PLEKHG1: variants seen among roughly 807,000 people sequenced by gnomAD.
PLEKHG1 encodes pleckstrin homology domain-containing family G member 1.
PLEKHG1 carries 44 observed loss-of-function variants against 100.8 expected under a neutral mutation model. The observed-to-expected ratio is 0.44, with a 90% confidence interval of 0.34 to 0.56. The LOEUF is 0.56. Ranked by LOEUF, PLEKHG1 falls within the 20% of genes least tolerant of loss-of-function variation. PLEKHG1 has a pLI of 0.01. For synonymous variants in PLEKHG1, 640 were observed against 662.5 expected, an observed-to-expected ratio of 0.97 and a Z score of 0.52; for missense variants, 1,545 against 1,720.9, an observed-to-expected ratio of 0.90 and a Z score of 1.81.
intron 2 of PLEKHG1, among the ~76,000 whole-genome samples, chr6:150,761,822 T>C (rs1784175230): frequency 6.6e-6 from 1 of 152,234 alleles, no homozygotes; most frequent in African/African-American, 2.4e-5. Flanking sequence ...ACAGAATTCC[T>C]GTTCCAAGTT....
chr6:150,739,696 A>G (rs964927993), intron 2 of PLEKHG1, among the ~76,000 whole-genome samples: 4 of 152,062 alleles, frequency 2.6e-5, no homozygotes, highest in Admixed American at 6.6e-5. Context: ...AAAAAAAACC[A>G]TAAGTATTCT....
intron 2 of PLEKHG1, among the ~76,000 whole-genome samples, chr6:150,763,956 C>T (rs1363846127): frequency 6.6e-6 from 1 of 152,122 alleles, no homozygotes. Flanking sequence ...CATGCTGTCA[C>T]CCTGGACTCC....
At chr6:150,651,149 A>C (rs1008749090) in intron 3 of PLEKHG1, 9 of 152,250 alleles carry the variant, frequency 5.9e-5, no homozygotes, top group Admixed American at 4.6e-4. Flanking sequence ...TCTGTCTCTC[A>C]AAATACTGTA....
rs74985205 is a variant in PLEKHG1, at chr6:150,681,681, G to C, written c.-99+30895G>C. ...CCCATCCCCTGGAGTAGTCAGCTTT[G>C]CACAGCTATCCTTCCCTAAATGCAG... is the stretch of plus-strand genomic sequence containing the variant. On this transcript the variant is annotated intron_variant, in intron 3 of 3. Transcript: ENST00000367326. Among the ~76,000 whole-genome samples, 1,311 of 152,054 alleles carry C rather than the reference G, an allele frequency of 8.6e-3. 23 individuals carry two copies. Among genetic ancestry groups the C allele is most frequent in the African/African-American group, 0.03 (1,244 of 41,462 alleles).
intron 4 of PLEKHG1, among the ~76,000 whole-genome samples, chr6:150,788,263 C>T (rs1357883286): frequency 6.6e-6 from 1 of 152,238 alleles, no homozygotes; most frequent in Non-Finnish European, 1.5e-5. Flanking sequence ...GGCTCAGGCA[C>T]TGCCTGCCTT....
At chr6:150,803,321 T>G (rs528440610) in intron 6 of PLEKHG1, among the ~76,000 whole-genome samples, 105 of 152,318 alleles carry the variant, frequency 6.9e-4, no homozygotes, top group Non-Finnish European at 1.2e-3. Flanking sequence ...TCTAATTGAT[T>G]ACAATGTTTT....
intron 10 of PLEKHG1, among the ~76,000 whole-genome samples, chr6:150,813,370 A>G (rs1209596048): frequency 6.6e-6 from 1 of 151,924 alleles, no homozygotes; most frequent in African/African-American, 2.4e-5. Flanking sequence ...GAAAGACATC[A>G]AAGACCCAAC....
intron 2 of PLEKHG1, among the ~76,000 whole-genome samples, chr6:150,764,408 T>C (rs530178034): frequency 1.3e-5 from 2 of 152,212 alleles, no homozygotes; most frequent in South Asian, 4.1e-4. Flanking sequence ...CATGAGCCAC[T>C]GCACCCGGCC....
chr6:150,751,173 TAAAA>T (rs1478880264), intron 2 of PLEKHG1, among the ~76,000 whole-genome samples: 1 of 152,164 alleles, frequency 6.6e-6, no homozygotes, highest in African/African-American at 2.4e-5. Flanking sequence ...ACTTTACAAA[TAAAA>T]AAGATATTTT....
intron 3 of PLEKHG1, among the ~76,000 whole-genome samples, chr6:150,654,226 T>C (rs1268983363): frequency 6.6e-6 from 1 of 152,220 alleles, no homozygotes; most frequent in Non-Finnish European, 1.5e-5. Flanking sequence ...GTCCTGATCT[T>C]TGCTGTTCTT....
intron 3 of PLEKHG1, among the ~76,000 whole-genome samples, chr6:150,684,740 C>T (rs1051624269): frequency 6.6e-6 from 1 of 151,754 alleles, no homozygotes; most frequent in Non-Finnish European, 1.5e-5. Context: ...TTTCTTTTCT[C>T]AGTGTGTCCC....
chr6:150,747,075 G>A (rs899752198), intron 2 of PLEKHG1, among the ~76,000 whole-genome samples: 1 of 152,244 alleles, frequency 6.6e-6, no homozygotes, highest in African/African-American at 2.4e-5. Flanking sequence ...AAGACCGCCT[G>A]TAGGCAAAAT....
exon 16 of PLEKHG1, chr6:150,840,039 C>G: frequency 1.2e-6 from 2 of 1,614,108 alleles, no homozygotes; most frequent in Non-Finnish European, 1.7e-6. Context: ...CTGTCTCCCA[C>G]CAGAGCAAGA....
At chr6:150,773,777 A>G (rs575226123) in intron 3 of PLEKHG1, among the ~76,000 whole-genome samples, 1 of 152,202 alleles carries the variant, frequency 6.6e-6, no homozygotes, top group Non-Finnish European at 1.5e-5. Context: ...AATTTTATAG[A>G]TTAATTTCAA....
chr6:150,768,354 G>A (rs758940104), intron 2 of PLEKHG1, among the ~76,000 whole-genome samples: 30 of 152,198 alleles, frequency 2.0e-4, no homozygotes, highest in Non-Finnish European at 4.1e-4. Flanking sequence ...CAAAACTGAC[G>A]TTATTGGCAC....
In PLEKHG1 at chr6:150,637,659, A is replaced by G. The variant is rs116119226; in HGVS notation, c.-203-421A>G. Among the ~76,000 whole-genome samples, 1,296 of 152,188 alleles carry G rather than the reference A, an allele frequency of 8.5e-3. 21 individuals are homozygous for G. Among genetic ancestry groups the G allele is most frequent in the African/African-American group, 0.029 (1,225 of 41,536 alleles). On this transcript the variant is annotated intron_variant, in intron 1 of 3. Coordinates refer to the PLEKHG1 transcript ENST00000367326. The stretch of plus-strand genomic sequence containing the variant: ...ATAAGTCTGATGTTAGACTTACGAC[A>G]TAGTTGATTGTGTGTGTGAGTGTGT...
intron 3 of PLEKHG1, among the ~76,000 whole-genome samples, chr6:150,694,866 TTAG>T (rs1200789545): frequency 1.3e-5 from 2 of 152,190 alleles, no homozygotes; most frequent in African/African-American, 2.4e-5. Context: ...GCTGTAGTTC[TTAG>T]TAGCTGGAGT....
chr6:150,664,656 G>A (rs1215573818), intron 3 of PLEKHG1, among the ~76,000 whole-genome samples: 5 of 152,136 alleles, frequency 3.3e-5, no homozygotes, highest in East Asian at 3.9e-4. Flanking sequence ...GTGAAGGGCT[G>A]TGGTGGTGTC....
chr6:150,632,594 G>A (rs866976250), intron 1 of PLEKHG1, among the ~76,000 whole-genome samples: 7 of 152,362 alleles, frequency 4.6e-5, no homozygotes, highest in Middle Eastern at 6.8e-3. Flanking sequence ...TTCTCAACAG[G>A]ATGGCAGGAA....
Sources: allele counts gnomAD v4.1 joint callset (sites outside exome capture counted in the v4.1 genomes callset), GRCh38; gene constraint gnomAD v4.1.1; transcripts MANE v1.5; gene names NCBI Gene and HGNC (gene_info 2026-07-23, HGNC 2026-07-21).